The following ZCCHC8 variants were observed in gnomAD, a reference collection of about 807,000 sequenced individuals.
ZCCHC8 encodes zinc finger CCHC domain-containing protein 8.
A neutral mutation model predicts 70.6 loss-of-function variants in ZCCHC8; 27 were observed. That is an observed-to-expected ratio of 0.38 (90% CI 0.28 to 0.53). The LOEUF (loss-of-function observed/expected upper bound fraction) is 0.53. Among genes scored for constraint, ZCCHC8 ranks in the 20% least tolerant of loss-of-function variants. ZCCHC8 has a pLI of 0.81. For synonymous variants in ZCCHC8, 293 were observed against 317.4 expected (o/e 0.92, Z 0.82); for missense variants, 737 against 876.9 (o/e 0.84, Z 2.01).
chr12:122,490,430 A>G, intron 4 of ZCCHC8, 32 bp downstream of exon 4: 1 of 1,539,160 alleles, frequency 6.5e-7, no homozygotes, highest in Non-Finnish European at 8.9e-7. Context: ...CGCATAACTT[A>G]CTAATCTTAA....
Position 122,500,440 on chromosome 12 carries a change from A to C in ZCCHC8, c.199+202T>G. Reference sequence around the variant, plus strand: ...TCAGGAGACGGCCTCCCTGAGGGGAAGAGGTCTGCGCCGAGGCAGCCTGCG... The same window carrying C: ...TCAGGAGACGGCCTCCCTGAGGGGACGAGGTCTGCGCCGAGGCAGCCTGCG... On this transcript the variant is annotated intron_variant, in intron 1 of 13. Transcript: ENST00000633063. This position sits in a 1 kb window ranked among gnomAD's most constrained non-coding sequence, Gnocchi z 4.8. The C allele has an allele frequency of 1.5e-6, 1 of 663,040 alleles. No individual in the cohort carries two copies. 41.1% of individuals were successfully genotyped at this position (663,040 alleles called of 1,614,324 possible).
intron 5 of ZCCHC8, among the ~76,000 whole-genome samples, chr12:122,489,065 T>G (rs149232218): frequency 6.6e-6 from 1 of 152,338 alleles, no homozygotes; most frequent in East Asian, 1.9e-4. Context: ...ACATTAGCTA[T>G]CTATCCCTCT....
chr12:122,479,936 T>C (rs1957498121), intron 11 of ZCCHC8, among the ~76,000 whole-genome samples: 1 of 151,970 alleles, frequency 6.6e-6, no homozygotes, highest in South Asian at 2.1e-4. Context: ...CCAGCCTCCC[T>C]AGTAGCCAGG....
rs756301515 is a variant in ZCCHC8, at chr12:122,482,053, T to C, written c.767A>G (p.Lys256Arg). ...TTCTCCACAGGCATCCATATACTCT[T>C]TTCTCTTTTCACTTATTCGAGCAGC... The part of the protein sequence containing the change: ...RNAARISEKR[K>R]EYMDACGEAN... The change falls in exon 9 of 14, where the codon AAA (lysine) becomes AGA (arginine). Residue 256 changes from lysine to arginine, a missense_variant. Coordinates refer to ENST00000633063, the MANE Select transcript of ZCCHC8 (RefSeq NM_017612.5). 7 of 1,611,276 alleles carry C rather than the reference T, an allele frequency of 4.3e-6. No individual in the cohort carries two copies. The Admixed American group carries it at 1.2e-4, about 27-fold the overall frequency.
chr12:122,479,563 A>G (rs967684398), intron 11 of ZCCHC8, among the ~76,000 whole-genome samples: 5 of 152,218 alleles, frequency 3.3e-5, no homozygotes, highest in African/African-American at 1.2e-4. Flanking sequence ...TTTATTATAG[A>G]TAGAAACTTA....
In ZCCHC8 at chr12:122,473,520, TCTG is replaced by T; in HGVS notation, c.2098_2100del (p.Gln700del). On this transcript the variant is annotated inframe_deletion, in exon 14 of 14. Transcript: ENST00000633063. ...CATTATTCAGAGGCCTTTTTGTTTT[TCTG>T]CTGGTTTCGGGGTGAGTTCTTTAAC... The T allele has an allele frequency of 6.2e-7, 1 of 1,613,554 alleles. No homozygotes were observed. The highest frequency in any genetic ancestry group is 8.5e-7 in the Non-Finnish European group (1 of 1,179,674).
At chr12:122,477,368 A>G (rs931221401) in intron 13 of ZCCHC8, among the ~76,000 whole-genome samples, 1 of 150,678 alleles carries the variant, frequency 6.6e-6, no homozygotes, top group African/African-American at 2.4e-5. Context: ...GTTTGCCAGG[A>G]TTGTCTTGAT....
intron 2 of ZCCHC8, 118 bp from the exon 3 acceptor site, chr12:122,492,907 G>A: frequency 1.4e-6 from 1 of 690,662 alleles, no homozygotes; most frequent in Middle Eastern, 3.6e-4. Context: ...TTCTCACTCT[G>A]TCGCTCGTGC....
chr12:122,486,714 C>T (rs1957650317), intron 5 of ZCCHC8, among the ~76,000 whole-genome samples: 1 of 151,986 alleles, frequency 6.6e-6, no homozygotes, highest in African/African-American at 2.4e-5. Flanking sequence ...GGATTATGGG[C>T]TTCAGTCACC....
Position 122,472,152 on chromosome 12 carries a change from T to G in ZCCHC8, c.*1345A>C, listed in dbSNP as rs1957327492. On this transcript the variant is annotated 3_prime_UTR_variant, in exon 14 of 14. Coordinates refer to ENST00000633063, the MANE Select transcript of ZCCHC8 (RefSeq NM_017612.5). Reference sequence around the variant, plus strand: ...TGAAATCCACTGAAAACACCCAAACTTGCAATTCCTATCATTATTTTTGTT... The same window carrying G: ...TGAAATCCACTGAAAACACCCAAACGTGCAATTCCTATCATTATTTTTGTT... 1.3e-5 allele frequency: 2 copies of G among 152,166 alleles called. No homozygotes were observed. Among genetic ancestry groups the G allele is most frequent in the Middle Eastern group, 6.8e-3 (2 of 294 alleles). 9.4% of individuals were successfully genotyped at this position (152,166 alleles called of 1,614,324 possible). A position where few individuals can be genotyped will look rare whatever the true frequency, so the allele number is the denominator to read the frequency against.
rs760031265 is a variant in ZCCHC8, at chr12:122,480,266, T to G, written c.1064A>C (p.Lys355Thr). Residue 355 changes from lysine to threonine, a missense_variant, in exon 11 of 14, where the codon AAA (lysine) becomes ACA (threonine). By Grantham distance (78) the Lys-to-Thr change is moderately conservative. Coordinates refer to ENST00000633063, the MANE Select transcript of ZCCHC8 (RefSeq NM_017612.5). ...ETEVGEIQQN[K>T]SVTYDLSKLV... ...TTTTGAGAGATCGTAAGTGACACTT[T>G]TATTCTGTTGTATTTCTCCAACTTC... 6.2e-7 allele frequency: 1 copy of G among 1,608,854 alleles called. No individual in the cohort carries two copies. Among genetic ancestry groups the G allele is most frequent in the Non-Finnish European group, 8.5e-7 (1 of 1,177,070 alleles).
Position 122,477,843 on chromosome 12 carries a change from G to T in ZCCHC8, c.1343C>A (p.Ser448Ter). The change falls in exon 13 of 14, where the codon TCA becomes TAA. Residue 448 changes from serine to a stop codon, truncating the protein, a stop_gained and splice_region_variant. Transcript: ENST00000633063. LOFTEE classifies it low-confidence loss of function (END_TRUNC). Reference sequence around the variant, plus strand: ...CAGAGCCATAGGATGAAACCTACCTGAATCGAGCTCCATGTCGGCGGGAGA... The same window carrying T: ...CAGAGCCATAGGATGAAACCTACCTTAATCGAGCTCCATGTCGGCGGGAGA... ...AGSPADMELD[S>*]DMEVPHGSQS... The T allele has an allele frequency of 6.3e-7, 1 of 1,587,398 alleles. No homozygotes were observed. The highest frequency in any genetic ancestry group is 8.6e-7 in the Non-Finnish European group (1 of 1,157,192).
At chr12:122,476,966 G>A (rs1957430904) in intron 13 of ZCCHC8, among the ~76,000 whole-genome samples, 1 of 151,590 alleles carries the variant, frequency 6.6e-6, no homozygotes, top group Non-Finnish European at 1.5e-5. Flanking sequence ...AGGTTGCAGT[G>A]AGCCAAGATC....
chr12:122,488,113 C>T (rs1957675181), intron 5 of ZCCHC8, among the ~76,000 whole-genome samples: 1 of 151,936 alleles, frequency 6.6e-6, no homozygotes, highest in Non-Finnish European at 1.5e-5. Flanking sequence ...TCACTGCAGC[C>T]TCAGTCTCTT....
At chr12:122,485,834 C>G (rs539749894) in intron 5 of ZCCHC8, among the ~76,000 whole-genome samples, 1 of 152,144 alleles carries the variant, frequency 6.6e-6, no homozygotes, top group Non-Finnish European at 1.5e-5. Context: ...CCACGCCTGG[C>G]TAATTTTTTA....
chr12:122,483,518 A>G lies in ZCCHC8; in HGVS notation c.547T>C (p.Leu183=), dbSNP rs756590686. Residue 183 remains leucine (L), a synonymous_variant, in exon 6 of 14, where the codon TTG becomes CTG. Transcript: ENST00000633063. This position sits in a 1 kb window ranked among gnomAD's most constrained non-coding sequence, Gnocchi z 4.4. ...LYFTNFCLDK[L]GQPLLNENPQ... Reference sequence around the variant, plus strand: ...TTTTCATTTAGAAGCGGTTGCCCCAATTTATCAAGGCAAAAATTAGTAAAA... The same window carrying G: ...TTTTCATTTAGAAGCGGTTGCCCCAGTTTATCAAGGCAAAAATTAGTAAAA... The G allele has an allele frequency of 6.3e-6, 10 of 1,594,296 alleles. No homozygotes were observed. The East Asian group carries it at 2.2e-4, about 36-fold the overall frequency.
At chr12:122,478,036 T>C (rs1454346940) in intron 12 of ZCCHC8, 78 bp from the exon 13 acceptor site, 2 of 1,296,392 alleles carry the variant, frequency 1.5e-6, no homozygotes, top group South Asian at 1.2e-5. Context: ...CTTAAAATGA[T>C]GTAGAAAAAC....
At chr12:122,488,758 C>T (rs966005355) in intron 5 of ZCCHC8, among the ~76,000 whole-genome samples, 2 of 151,414 alleles carry the variant, frequency 1.3e-5, no homozygotes, top group Non-Finnish European at 2.9e-5. Context: ...GTAATCCCAG[C>T]TACTCGGGAA....
chr12:122,483,238 A>G lies in ZCCHC8; in HGVS notation c.671+41T>C. On this transcript the variant is annotated intron_variant, in intron 7 of 13. Coordinates refer to ENST00000633063, the MANE Select transcript of ZCCHC8 (RefSeq NM_017612.5). This position sits in a 1 kb window ranked among gnomAD's most constrained non-coding sequence, Gnocchi z 4.4. ...AGCCAAAAGTTTATGATTTTGGTTA[A>G]AAAAGTAAATAAGTAAAACAAAACA... The G allele has an allele frequency of 6.5e-7, 1 of 1,542,814 alleles. No homozygotes were observed. Among genetic ancestry groups the G allele is most frequent in the Non-Finnish European group, 8.8e-7 (1 of 1,140,414 alleles).
Sources: allele counts gnomAD v4.1 joint callset (sites outside exome capture counted in the v4.1 genomes callset), GRCh38; gene constraint gnomAD v4.1.1; non-coding constraint Gnocchi (gnomAD v3.1); transcripts MANE v1.5; gene names NCBI Gene and HGNC (gene_info 2026-07-23, HGNC 2026-07-21).